The following CYFIP2 variants were observed in gnomAD, a reference collection of about 807,000 sequenced individuals.
CYFIP2 encodes the protein cytoplasmic FMR1-interacting protein 2.
A neutral mutation model predicts 158.7 loss-of-function variants in CYFIP2; 29 were observed. The observed-to-expected ratio is 0.18, with a 90% CI of 0.14 to 0.25. The LOEUF (loss-of-function observed/expected upper bound fraction) is 0.25. Ranked by LOEUF, CYFIP2 falls within the 10% of genes least tolerant of loss-of-function variation. The pLI is 1.00. For synonymous variants in CYFIP2, 585 were observed against 617.6 expected (o/e 0.95, Z 0.78); for missense variants, 852 against 1,639.5 (o/e 0.52, Z 8.29).
In CYFIP2 at chr5:157,311,182, C is replaced by T. The variant is rs1218028486; in HGVS notation, c.993-482C>T. The T allele has an allele frequency of 6.9e-6, 3 of 434,978 alleles. No homozygotes were observed. Among genetic ancestry groups the T allele is most frequent in the Non-Finnish European group, 1.4e-5 (3 of 217,150 alleles). 26.9% of individuals were successfully genotyped at this position (434,978 alleles called of 1,614,324 possible). ...CCCACCACAGTGTGCTTCCATGTTG[C>T]CAGGGCACTGTTGGAAAAGAGGCAC... On this transcript the variant is annotated intron_variant, in intron 10 of 30. Transcript: ENST00000620254. This position sits in a 1 kb window ranked among gnomAD's most constrained non-coding sequence, Gnocchi z 4.7.
chr5:157,312,999 G>A (rs1008203914), intron 11 of CYFIP2, among the ~76,000 whole-genome samples: 1 of 152,252 alleles, frequency 6.6e-6, no homozygotes, highest in South Asian at 2.1e-4. Context: ...GGCATCAGCC[G>A]CTGCACCCAG....
chr5:157,370,337 G>C (rs1327803133), intron 26 of CYFIP2, among the ~76,000 whole-genome samples: 1 of 152,156 alleles, frequency 6.6e-6, no homozygotes, highest in Non-Finnish European at 1.5e-5. Flanking sequence ...CACTGATTCT[G>C]TTATTTACAT....
At chr5:157,331,404 A>G (rs1761450463) in intron 20 of CYFIP2, among the ~76,000 whole-genome samples, 1 of 150,006 alleles carries the variant, frequency 6.7e-6, no homozygotes, top group Non-Finnish European at 1.5e-5. Context: ...GCCCCAGCAG[A>G]TGTCGAGCCC....
At chr5:157,294,239 T>G (rs1758069662) in intron 3 of CYFIP2, among the ~76,000 whole-genome samples, 1 of 152,214 alleles carries the variant, frequency 6.6e-6, no homozygotes, top group African/African-American at 2.4e-5. Flanking sequence ...ATCCTTGCTT[T>G]AAGGTTAAAC....
At chr5:157,338,814 C>A (rs928059288) in intron 21 of CYFIP2, among the ~76,000 whole-genome samples, 1 of 152,202 alleles carries the variant, frequency 6.6e-6, no homozygotes, top group African/African-American at 2.4e-5. Flanking sequence ...TGCAACCTCC[C>A]CTTCCCCTAC....
intron 21 of CYFIP2, among the ~76,000 whole-genome samples, chr5:157,337,478 C>G (rs1761941778): frequency 6.6e-6 from 1 of 152,252 alleles, no homozygotes; most frequent in Non-Finnish European, 1.5e-5. Flanking sequence ...CCCAGTTGAT[C>G]TCACTTACCT....
At chr5:157,367,574 TTTG>T (rs1468196813) in intron 26 of CYFIP2, among the ~76,000 whole-genome samples, 1 of 152,136 alleles carries the variant, frequency 6.6e-6, no homozygotes, top group African/African-American at 2.4e-5. Context: ...GCCGATTGTT[TTTG>T]TTCTTTTCAA....
intron 13 of CYFIP2, among the ~76,000 whole-genome samples, chr5:157,315,529 T>C: frequency 6.6e-6 from 1 of 152,120 alleles, no homozygotes; most frequent in East Asian, 1.9e-4. Flanking sequence ...TCTCATGTCT[T>C]TAGTGGTCAG....
intron 23 of CYFIP2, among the ~76,000 whole-genome samples, chr5:157,344,258 A>C (rs915089329): frequency 3.3e-5 from 5 of 152,214 alleles, no homozygotes; most frequent in Non-Finnish European, 7.3e-5. Context: ...AATGTTAATC[A>C]TGGTAATAAC....
intron 23 of CYFIP2, 137 bp from the exon 24 acceptor site, chr5:157,358,868 A>C: frequency 8.7e-7 from 1 of 1,153,340 alleles, no homozygotes; most frequent in South Asian, 1.4e-5. Flanking sequence ...CCATTTTGCA[A>C]ACATATTCAT....
chr5:157,341,291 C>T (rs528406482), intron 23 of CYFIP2, 134 bp downstream of exon 23: 2 of 780,152 alleles, frequency 2.6e-6, no homozygotes, highest in Non-Finnish European at 4.3e-6. Flanking sequence ...TGGCTCATAC[C>T]TTTAATCCCA....
intron 18 of CYFIP2, among the ~76,000 whole-genome samples, chr5:157,326,920 C>G (rs1169437472): frequency 6.6e-6 from 1 of 152,154 alleles, no homozygotes; most frequent in East Asian, 1.9e-4. Flanking sequence ...CTTTTTGAAT[C>G]ATTAACCTTA....
intron 13 of CYFIP2, among the ~76,000 whole-genome samples, chr5:157,317,768 C>T (rs983393944): frequency 1.3e-5 from 2 of 152,138 alleles, no homozygotes; most frequent in African/African-American, 4.8e-5. Context: ...ATGAGTCTAT[C>T]AAAAAGGCAA....
At chr5:157,285,027 G>A (rs1016516910) in intron 1 of CYFIP2, among the ~76,000 whole-genome samples, 1 of 152,158 alleles carries the variant, frequency 6.6e-6, no homozygotes, top group African/African-American at 2.4e-5. Flanking sequence ...GTGACTGTGT[G>A]GGCATCACAT....
chr5:157,383,964 CTTT>C (rs1233067558), intron 28 of CYFIP2, among the ~76,000 whole-genome samples: 1 of 152,060 alleles, frequency 6.6e-6, no homozygotes, highest in African/African-American at 2.4e-5. Context: ...AGGATGATGG[CTTT>C]TTTTAAATGC....
At chr5:157,343,027 C>G (rs899613862) in intron 23 of CYFIP2, 1 of 1,614,234 alleles carries the variant, frequency 6.2e-7, no homozygotes, top group Non-Finnish European at 8.5e-7. Context: ...CTTCCTCCCT[C>G]TGACCAAGAT....
intron 5 of CYFIP2, among the ~76,000 whole-genome samples, chr5:157,297,403 A>C (rs1758343832): frequency 6.6e-6 from 1 of 152,212 alleles, no homozygotes; most frequent in African/African-American, 2.4e-5. Context: ...TGAGTTATTT[A>C]ATGTCTCTGA....
At position 157,395,062 on chromosome 5, in the gene CYFIP2, A is replaced by G. The variant is rs1303130001; in HGVS notation, c.*2062A>G. ...GAATAATCTATTTGATGAGATTTCT[A>G]TTTCAATAACCCACCTCTCTCACCC... On this transcript the variant is annotated 3_prime_UTR_variant, in exon 31 of 31. Coordinates refer to ENST00000620254, the MANE Select transcript of CYFIP2 (RefSeq NM_001037333.3). The G allele has an allele frequency of 6.4e-6, 1 of 155,486 alleles. No homozygotes were observed. Among genetic ancestry groups the G allele is most frequent in the Non-Finnish European group, 1.4e-5 (1 of 70,610 alleles). The allele number at this position is 155,486 out of a possible 1,614,324, so 9.6% of individuals were successfully genotyped here. A position where few individuals can be genotyped will look rare whatever the true frequency, so the allele number is the denominator to read the frequency against.
intron 23 of CYFIP2, chr5:157,342,294 G>C (rs1027858433): frequency 6.6e-6 from 1 of 152,572 alleles, no homozygotes; most frequent in Non-Finnish European, 1.5e-5. Flanking sequence ...CAATTTAAAG[G>C]AAAGTATTAT....
Sources: gnomAD v4.1 joint callset for allele counts (sites outside exome capture counted in the v4.1 genomes callset) on GRCh38, gnomAD v4.1.1 for gene constraint, Gnocchi (gnomAD v3.1) non-coding constraint, MANE v1.5 for transcripts, NCBI Gene and HGNC (gene_info 2026-07-23, HGNC 2026-07-21) for gene names.